ARHGAP15: variants seen among roughly 807,000 people sequenced by gnomAD.
ARHGAP15 encodes the protein Rho GTPase activating protein 15.
In ARHGAP15, 51 loss-of-function variants were observed where a neutral mutation model predicts 63.7. The observed-to-expected ratio is 0.80, with a 90% confidence interval of 0.64 to 1.01. ARHGAP15 has a LOEUF of 1.01. Among genes scored for constraint, ARHGAP15 ranks in the 50% least tolerant of loss-of-function variants. The pLI is 0.00. For synonymous variants in ARHGAP15, 191 were observed against 193.8 expected, an observed-to-expected ratio of 0.99 and a Z score of 0.12; for missense variants, 560 against 564.6, an observed-to-expected ratio of 0.99 and a Z score of 0.08.
At chr2:143,754,640 C>A (rs930427971) in intron 13 of ARHGAP15, among the ~76,000 whole-genome samples, 3 of 152,198 alleles carry the variant, frequency 2.0e-5, no homozygotes, top group Non-Finnish European at 2.9e-5. Flanking sequence ...GATCCTCAAG[C>A]CTTCTAACAG....
intron 6 of ARHGAP15, among the ~76,000 whole-genome samples, chr2:143,419,449 C>T (rs941445720): frequency 1.4e-4 from 2 of 14,654 alleles, no homozygotes; most frequent in Non-Finnish European, 2.1e-4. Flanking sequence ...GCTTATGCAG[C>T]GTGGGTTTAT....
At chr2:143,215,558 G>A (rs1692723154) in intron 3 of ARHGAP15, among the ~76,000 whole-genome samples, 1 of 152,170 alleles carries the variant, frequency 6.6e-6, no homozygotes, top group African/African-American at 2.4e-5. Context: ...GGAGAAGGGT[G>A]TGGGCAATTC....
intron 8 of ARHGAP15, among the ~76,000 whole-genome samples, chr2:143,478,585 G>A (rs1211553557): frequency 1.3e-5 from 2 of 152,136 alleles, no homozygotes; most frequent in African/African-American, 4.8e-5. Context: ...CTGAACCTCA[G>A]ATTTCTAATC....
chr2:143,499,216 G>A (rs150735424), intron 9 of ARHGAP15, among the ~76,000 whole-genome samples: 33 of 152,288 alleles, frequency 2.2e-4, no homozygotes, highest in African/African-American at 7.5e-4. Flanking sequence ...TTGACTAACT[G>A]TCTGTGTTTG....
intron 6 of ARHGAP15, among the ~76,000 whole-genome samples, chr2:143,288,943 A>G (rs1236827884): frequency 6.6e-6 from 1 of 151,922 alleles, no homozygotes; most frequent in East Asian, 1.9e-4. Context: ...AGGCACAGAA[A>G]CCTTTTTTTA....
intron 9 of ARHGAP15, among the ~76,000 whole-genome samples, chr2:143,500,907 C>T (rs959072852): frequency 6.6e-6 from 1 of 152,094 alleles, no homozygotes; most frequent in Non-Finnish European, 1.5e-5. Flanking sequence ...TAAAATCTAT[C>T]CATATGAGAC....
chr2:143,584,406 A>G (rs1697025917), intron 11 of ARHGAP15, among the ~76,000 whole-genome samples: 1 of 152,180 alleles, frequency 6.6e-6, no homozygotes, highest in Non-Finnish European at 1.5e-5. Context: ...TGGGTGGATC[A>G]CTTGAGGTTA....
At chr2:143,180,875 G>A (rs894164289) in intron 2 of ARHGAP15, among the ~76,000 whole-genome samples, 46 of 151,956 alleles carry the variant, frequency 3.0e-4, no homozygotes, top group African/African-American at 9.7e-4. Context: ...GGGTTTCACC[G>A]TGTTAGCCAG....
chr2:143,749,204 C>T (rs973124653), intron 13 of ARHGAP15, among the ~76,000 whole-genome samples: 4 of 152,216 alleles, frequency 2.6e-5, no homozygotes, highest in Non-Finnish European at 1.5e-5. Flanking sequence ...ATTCTGCCTG[C>T]AGTGGCCTCC....
chr2:143,439,937 A>G (rs1689802894), intron 8 of ARHGAP15, among the ~76,000 whole-genome samples: 2 of 152,120 alleles, frequency 1.3e-5, no homozygotes, highest in African/African-American at 2.4e-5. Flanking sequence ...GTTTTCTTTC[A>G]ATTTTGATTT....
intron 2 of ARHGAP15, among the ~76,000 whole-genome samples, chr2:143,195,141 A>G (rs1194850238): frequency 1.3e-5 from 2 of 152,140 alleles, no homozygotes; most frequent in Non-Finnish European, 2.9e-5. Context: ...CCAGGGATAA[A>G]AAAGAAAATA....
intron 1 of ARHGAP15, among the ~76,000 whole-genome samples, chr2:143,130,400 G>A (rs1241011878): frequency 6.6e-6 from 1 of 151,998 alleles, no homozygotes; most frequent in Non-Finnish European, 1.5e-5. Context: ...ATTTTTGAAA[G>A]AATTTTAATA....
chr2:143,533,919 G>A (rs1240881882), intron 10 of ARHGAP15, among the ~76,000 whole-genome samples: 2 of 152,196 alleles, frequency 1.3e-5, no homozygotes, highest in Admixed American at 1.3e-4. Flanking sequence ...ATTACCAGCT[G>A]AGGCCAATAA....
At chr2:143,301,582 T>A (rs1340905591) in intron 6 of ARHGAP15, among the ~76,000 whole-genome samples, 2 of 151,938 alleles carry the variant, frequency 1.3e-5, no homozygotes, top group Admixed American at 6.6e-5. Flanking sequence ...ATGTAGGATA[T>A]TTTTAAGCGT....
At chr2:143,496,977 A>G (rs1457011338) in intron 9 of ARHGAP15, among the ~76,000 whole-genome samples, 1 of 152,198 alleles carries the variant, frequency 6.6e-6, no homozygotes, top group Non-Finnish European at 1.5e-5. Context: ...ATAGGGTTAC[A>G]TGAATCTGGT....
At chr2:143,319,011 G>A (rs1005320240) in intron 6 of ARHGAP15, among the ~76,000 whole-genome samples, 13 of 151,852 alleles carry the variant, frequency 8.6e-5, no homozygotes, top group Non-Finnish European at 1.6e-4. Flanking sequence ...ATCTCTTCTA[G>A]CCCACAAATT....
intron 6 of ARHGAP15, among the ~76,000 whole-genome samples, chr2:143,263,514 C>G (rs897657648): frequency 6.6e-6 from 1 of 152,082 alleles, no homozygotes; most frequent in African/African-American, 2.4e-5. Context: ...GTGTGTGCAG[C>G]ATCTCCATCT....
chr2:143,179,245 A>G (rs1175306361), intron 2 of ARHGAP15, among the ~76,000 whole-genome samples: 6 of 152,248 alleles, frequency 3.9e-5, no homozygotes, highest in African/African-American at 1.2e-4. Context: ...ATCTAGGAAG[A>G]GTCCCTATAT....
At chr2:143,748,806 T>G (rs1414014131) in intron 13 of ARHGAP15, among the ~76,000 whole-genome samples, 1 of 152,224 alleles carries the variant, frequency 6.6e-6, no homozygotes, top group Admixed American at 6.5e-5. Flanking sequence ...CTCAGCCTGC[T>G]GCATATACCA....
Sources: gnomAD v4.1 joint callset for allele counts (sites outside exome capture counted in the v4.1 genomes callset) on GRCh38, gnomAD v4.1.1 for gene constraint, MANE v1.5 for transcripts, NCBI Gene and HGNC (gene_info 2026-07-23, HGNC 2026-07-21) for gene names.